The following ARSB variants were observed in gnomAD, a reference collection of about 807,000 sequenced individuals.
ARSB encodes N-acetylgalactosamine-4-sulfatase.
A neutral mutation model predicts 50.9 loss-of-function variants in ARSB; 41 were observed. The observed-to-expected ratio is 0.81, with a 90% CI of 0.63 to 1.04. The LOEUF (loss-of-function observed/expected upper bound fraction) is 1.04, where lower values mean the gene tolerates loss of function less well. Ranked by LOEUF, ARSB falls within the 50% of genes least tolerant of loss-of-function variation. ARSB has a pLI of 0.00. For missense variants in ARSB, 672 were observed against 693.3 expected (o/e 0.97, Z 0.35); for synonymous variants, 269 against 284.8 (o/e 0.94, Z 0.56).
intron 5 of ARSB, among the ~76,000 whole-genome samples, chr5:78,863,946 GC>G (rs1488784076): frequency 6.6e-6 from 1 of 151,796 alleles, no homozygotes; most frequent in Non-Finnish European, 1.5e-5. Flanking sequence ...AATAATGGTG[GC>G]CATCTAAATT....
rs761353977 is a variant in ARSB, at chr5:78,955,259, T to A, written c.898+36A>T. On this transcript the variant is annotated intron_variant, in intron 4 of 7. Coordinates refer to ENST00000264914, the MANE Select transcript of ARSB (RefSeq NM_000046.5). ...ACTTATCAAATACCATGTCCTAGGC[T>A]TTGCCAAGAGATGATTTTCCTATTG... The A allele has an allele frequency of 3.4e-5, 54 of 1,605,288 alleles. No individual in the cohort carries two copies. In the East Asian group the frequency reaches 1.2e-3, roughly 34 times the overall value.
Position 78,802,924 on chromosome 5 carries a change from G to C in ARSB, c.1214-20950C>G, listed in dbSNP as rs115880582. Among the ~76,000 whole-genome samples, 997 of 152,276 alleles carry C rather than the reference G, an allele frequency of 6.5e-3. 8 individuals are homozygous for C. Among genetic ancestry groups the C allele is most frequent in the African/African-American group, 0.023 (946 of 41,542 alleles). On this transcript the variant is annotated intron_variant, in intron 6 of 7. Coordinates refer to ENST00000264914, the MANE Select transcript of ARSB (RefSeq NM_000046.5). ...CTGTGGTCCTACTGCCAGATTTAAG[G>C]GGTGCCTTGTGAAGGTCTCATAATG...
At chr5:78,895,558 A>G (rs1748527051) in intron 4 of ARSB, among the ~76,000 whole-genome samples, 1 of 152,252 alleles carries the variant, frequency 6.6e-6, no homozygotes, top group Non-Finnish European at 1.5e-5. Flanking sequence ...TGCAAAGGTC[A>G]CAACGATAAG....
intron 4 of ARSB, among the ~76,000 whole-genome samples, chr5:78,949,965 T>G (rs1751429121): frequency 6.6e-6 from 1 of 152,104 alleles, no homozygotes; most frequent in Non-Finnish European, 1.5e-5. Context: ...ATGGCTGCAT[T>G]AAGATGTTGA....
At chr5:78,847,894 G>T (rs1745519870) in intron 5 of ARSB, among the ~76,000 whole-genome samples, 1 of 151,856 alleles carries the variant, frequency 6.6e-6, no homozygotes, top group African/African-American at 2.4e-5. Flanking sequence ...TATTTCTATG[G>T]TATCAGTTGC....
chr5:78,838,958 A>C (rs1745067096), intron 6 of ARSB, among the ~76,000 whole-genome samples: 1 of 152,136 alleles, frequency 6.6e-6, no homozygotes, highest in Non-Finnish European at 1.5e-5. Context: ...CCTGGAACCC[A>C]ACTGTGGCTT....
intron 4 of ARSB, among the ~76,000 whole-genome samples, chr5:78,901,047 GAAA>G (rs71001135): frequency 1.7e-5 from 2 of 115,238 alleles, no homozygotes; most frequent in Non-Finnish European, 3.4e-5. Flanking sequence ...TCCGTCTCAG[GAAA>G]AAAAAAAAAA....
At chr5:78,974,229 A>G (rs1752573799) in intron 1 of ARSB, among the ~76,000 whole-genome samples, 1 of 152,244 alleles carries the variant, frequency 6.6e-6, no homozygotes, top group South Asian at 2.1e-4. Flanking sequence ...ACAGACACGC[A>G]TTATGTGTGC....
At chr5:78,821,854 C>G (rs1744240381) in intron 6 of ARSB, among the ~76,000 whole-genome samples, 1 of 152,194 alleles carries the variant, frequency 6.6e-6, no homozygotes, top group South Asian at 2.1e-4. Context: ...ACAGCTTTCT[C>G]TAACTAAACT....
At chr5:78,840,075 T>C (rs813049) in intron 5 of ARSB, among the ~76,000 whole-genome samples, 7,774 of 152,274 alleles carry the variant, frequency 0.051, 455 homozygotes, top group African/African-American at 0.14. Context: ...AGTAAGTTAT[T>C]GGTAGAATAT....
chr5:78,907,277 T>C (rs961551781), intron 4 of ARSB, among the ~76,000 whole-genome samples: 8 of 152,156 alleles, frequency 5.3e-5, no homozygotes, highest in African/African-American at 1.7e-4. Flanking sequence ...ACAGTGAGTT[T>C]GTTTTCCCAA....
At chr5:78,874,170 A>C (rs1284765376) in intron 5 of ARSB, among the ~76,000 whole-genome samples, 1 of 152,230 alleles carries the variant, frequency 6.6e-6, no homozygotes, top group African/African-American at 2.4e-5. Context: ...AAATGTTTTA[A>C]TAAACATGCA....
upstream of ARSB, chr5:78,985,533 G>A (rs913958858): frequency 4.0e-6 from 1 of 251,024 alleles, no homozygotes; most frequent in Non-Finnish European, 7.5e-6. Context: ...TATCTTCCCC[G>A]GCAATTAAAT....
At chr5:78,792,923 T>C (rs1361036728) in intron 6 of ARSB, among the ~76,000 whole-genome samples, 1 of 152,156 alleles carries the variant, frequency 6.6e-6, no homozygotes, top group Admixed American at 6.5e-5. Context: ...GTGGGGAATA[T>C]GTGGTAACAT....
intron 6 of ARSB, among the ~76,000 whole-genome samples, chr5:78,791,439 C>T (rs1749233008): frequency 6.6e-6 from 1 of 152,206 alleles, no homozygotes; most frequent in Admixed American, 6.5e-5. Flanking sequence ...CTCACTCTAA[C>T]AAAAGTTCAA....
At chr5:78,958,160 C>A (rs1181441408) in intron 3 of ARSB, among the ~76,000 whole-genome samples, 1 of 152,138 alleles carries the variant, frequency 6.6e-6, no homozygotes, top group Non-Finnish European at 1.5e-5. Flanking sequence ...AACTGCTTCA[C>A]TTCTTTAGGT....
At chr5:78,945,904 C>G (rs572399492) in intron 4 of ARSB, among the ~76,000 whole-genome samples, 1 of 152,320 alleles carries the variant, frequency 6.6e-6, no homozygotes, top group African/African-American at 2.4e-5. Flanking sequence ...ACACCCTGGG[C>G]TCTGAGAGGT....
At chr5:78,972,524 C>CAA (rs964522820) in intron 1 of ARSB, among the ~76,000 whole-genome samples, 5 of 151,142 alleles carry the variant, frequency 3.3e-5, no homozygotes, top group African/African-American at 1.2e-4. Context: ...CGTACACACA[C>CAA]ACACACACAC....
At chr5:78,848,061 ATTATTATTATT>A (rs972915020) in intron 5 of ARSB, among the ~76,000 whole-genome samples, 1 of 150,380 alleles carries the variant, frequency 6.6e-6, no homozygotes, top group Non-Finnish European at 1.5e-5. Flanking sequence ...TTATTTTATT[ATTATTATTATT>A]TTATTATTAT....
Sources: allele counts gnomAD v4.1 joint callset (sites outside exome capture counted in the v4.1 genomes callset), GRCh38; gene constraint gnomAD v4.1.1; transcripts MANE v1.5; gene names NCBI Gene and HGNC (gene_info 2026-07-23, HGNC 2026-07-21).